Variants in PGAP4 observed in about 807,000 individuals in gnomAD.
PGAP4 encodes post-GPI attachment to proteins GalNAc transferase 4.
Under a neutral mutation model 28.2 loss-of-function variants are expected in PGAP4, and 12 were observed. That is an observed-to-expected ratio of 0.42 (90% CI 0.27 to 0.69). The LOEUF is 0.69. PGAP4 is among the 30% of genes least tolerant of loss of function. The pLI, the probability that PGAP4 is intolerant of heterozygous loss-of-function variation, is 0.22. For missense variants in PGAP4, 425 were observed against 513.5 expected (o/e 0.83, Z 1.67); for synonymous variants, 205 against 211.8 (o/e 0.97, Z 0.28).
At chr9:101,488,602 G>C (rs1279406676), upstream of PGAP4, among the ~76,000 whole-genome samples, 1 of 152,152 alleles carries the variant, frequency 6.6e-6, no homozygotes, top group Non-Finnish European at 1.5e-5. Flanking sequence ...TAAATGGTTG[G>C]TAGTTATTCA....
intron 2 of PGAP4, among the ~76,000 whole-genome samples, chr9:101,518,093 A>T (rs887263527): frequency 2.6e-5 from 4 of 151,820 alleles, no homozygotes; most frequent in African/African-American, 9.7e-5. Flanking sequence ...GTCCACGTGT[A>T]CTCAATGTTT....
At chr9:101,523,963 AT>A in intron 2 of PGAP4, among the ~76,000 whole-genome samples, 4 of 151,542 alleles carry the variant, frequency 2.6e-5, no homozygotes, top group Admixed American at 2.6e-4. Flanking sequence ...TTTCCTATGG[AT>A]GTGGCTTCCT....
intron 2 of PGAP4, among the ~76,000 whole-genome samples, chr9:101,509,061 C>A (rs1313425554): frequency 1.3e-5 from 2 of 152,178 alleles, no homozygotes; most frequent in East Asian, 1.9e-4. Context: ...CAGTGTCAAG[C>A]AGTTGATCCT....
intron 2 of PGAP4, among the ~76,000 whole-genome samples, chr9:101,499,197 T>C (rs1826776784): frequency 6.6e-6 from 1 of 151,822 alleles, no homozygotes. Context: ...TTAAACTAGA[T>C]CCCAAATAAA....
At chr9:101,495,495 G>A (rs1324585275) in intron 2 of PGAP4, among the ~76,000 whole-genome samples, 1 of 109,306 alleles carries the variant, frequency 9.1e-6, no homozygotes, top group Non-Finnish European at 1.9e-5. Context: ...GCTTTCTGTG[G>A]CTCAACTGGA....
At chr9:101,503,736 C>T (rs1826823636) in intron 2 of PGAP4, among the ~76,000 whole-genome samples, 2 of 151,952 alleles carry the variant, frequency 1.3e-5, no homozygotes, top group South Asian at 2.1e-4. Context: ...CTTATAGCAT[C>T]CTGGTTCCCC....
exon 1 of PGAP4, chr9:101,532,850 T>C (rs1046496744): frequency 2.6e-5 from 4 of 152,186 alleles, no homozygotes; most frequent in African/African-American, 9.7e-5. Context: ...GGGACAAAAG[T>C]CTTCACACTA....
chr9:101,479,104 T>C (rs2900309), intron 1 of PGAP4, among the ~76,000 whole-genome samples: 25,325 of 152,192 alleles, frequency 0.17, 2,397 homozygotes, highest in South Asian at 0.25. Flanking sequence ...GAGGTTTGAA[T>C]TATGCAACCC....
chr9:101,480,165 C>T (rs547277710), intron 1 of PGAP4, among the ~76,000 whole-genome samples: 21 of 152,182 alleles, frequency 1.4e-4, no homozygotes, highest in Middle Eastern at 6.8e-3. Flanking sequence ...GCTTAAGACC[C>T]GGCCCCCAAC....
intron 2 of PGAP4, among the ~76,000 whole-genome samples, chr9:101,516,226 G>A (rs889754978): frequency 4.0e-4 from 60 of 151,668 alleles, no homozygotes; most frequent in African/African-American, 1.2e-3. Flanking sequence ...GCCTAAATTC[G>A]TGATGATATT....
intron 2 of PGAP4, among the ~76,000 whole-genome samples, chr9:101,498,794 A>G (rs992389275): frequency 2.6e-5 from 4 of 152,010 alleles, no homozygotes; most frequent in Non-Finnish European, 5.9e-5. Flanking sequence ...AATCCAGGGA[A>G]TATCAGGGGT....
At chr9:101,483,987 A>G (rs1826551933) in intron 1 of PGAP4, among the ~76,000 whole-genome samples, 1 of 152,208 alleles carries the variant, frequency 6.6e-6, no homozygotes, top group African/African-American at 2.4e-5. Context: ...CAGTTCAACA[A>G]CTAGGCACTT....
chr9:101,491,297 G>A (rs1165620958), upstream of PGAP4, among the ~76,000 whole-genome samples: 1 of 152,076 alleles, frequency 6.6e-6, no homozygotes, highest in Non-Finnish European at 1.5e-5. Flanking sequence ...CCCGATAATA[G>A]ATGTGCAGTA....
At chr9:101,485,809 T>C (rs1363526089) in intron 1 of PGAP4, among the ~76,000 whole-genome samples, 2 of 152,204 alleles carry the variant, frequency 1.3e-5, no homozygotes, top group African/African-American at 4.8e-5. Context: ...GTTTACTGGA[T>C]GTTTTCTAAT....
chr9:101,516,660 G>T (rs189077949), intron 2 of PGAP4, among the ~76,000 whole-genome samples: 1 of 152,130 alleles, frequency 6.6e-6, no homozygotes, highest in African/African-American at 2.4e-5. Flanking sequence ...GGTTCATACT[G>T]TACCATCCTG....
chr9:101,509,289 G>T (rs1428290339), intron 2 of PGAP4, among the ~76,000 whole-genome samples: 1 of 152,116 alleles, frequency 6.6e-6, no homozygotes, highest in Non-Finnish European at 1.5e-5. Context: ...AAATCCCCAC[G>T]TTCACTAGTG....
At chr9:101,533,541 C>CCAATGA (rs1253365114), upstream of PGAP4, 1 of 152,264 alleles carries the variant, frequency 6.6e-6, no homozygotes, top group Non-Finnish European at 1.5e-5. Context: ...GATGGCAACC[C>CCAATGA]CAATGACAAG....
chr9:101,487,904 A>G (rs1211593382), upstream of PGAP4, among the ~76,000 whole-genome samples: 3 of 152,216 alleles, frequency 2.0e-5, no homozygotes, highest in African/African-American at 7.2e-5. Context: ...ATGAAAGAAC[A>G]GCAGAGTTGG....
intron 2 of PGAP4, among the ~76,000 whole-genome samples, chr9:101,518,393 A>G (rs1319641821): frequency 6.6e-6 from 1 of 152,100 alleles, no homozygotes; most frequent in Non-Finnish European, 1.5e-5. Flanking sequence ...AGCAGTATAC[A>G]CTGCACCATA....
Sources: gnomAD v4.1 joint callset for allele counts (sites outside exome capture counted in the v4.1 genomes callset) on GRCh38, gnomAD v4.1.1 for gene constraint, MANE v1.5 for transcripts, NCBI Gene and HGNC (gene_info 2026-07-23, HGNC 2026-07-21) for gene names.